PALM2AKAP2: variants seen among roughly 807,000 people sequenced by gnomAD.
PALM2AKAP2 encodes PALM2-AKAP2 fusion protein.
A neutral mutation model predicts 71.5 loss-of-function variants in PALM2AKAP2; 37 were observed. That is an observed-to-expected ratio of 0.52 (90% CI 0.40 to 0.68). PALM2AKAP2 has a LOEUF of 0.68. Among genes scored for constraint, PALM2AKAP2 ranks in the 30% least tolerant of loss-of-function variants. The pLI is 0.00. For synonymous variants in PALM2AKAP2, 468 were observed against 478.8 expected, an observed-to-expected ratio of 0.98 and a Z score of 0.29; for missense variants, 1,224 against 1,191.8, an observed-to-expected ratio of 1.03 and a Z score of -0.40.
chr9:109,753,624 A>C (rs1327791), intron 1 of PALM2AKAP2, among the ~76,000 whole-genome samples: 46,342 of 152,078 alleles, frequency 0.3, 7,215 homozygotes, highest in Middle Eastern at 0.4. Flanking sequence ...TGTGTGGAAG[A>C]ACTGTTCAGA....
intron 1 of PALM2AKAP2, among the ~76,000 whole-genome samples, chr9:109,858,507 A>T (rs1829227893): frequency 1.3e-5 from 2 of 152,192 alleles, no homozygotes; most frequent in South Asian, 4.1e-4. Flanking sequence ...AGAAACAATA[A>T]GGGACTTGTC....
intron 1 of PALM2AKAP2, among the ~76,000 whole-genome samples, chr9:110,109,799 C>T (rs746526913): frequency 4.6e-5 from 7 of 151,980 alleles, no homozygotes; most frequent in Non-Finnish European, 8.8e-5. Context: ...CCCCTTAATT[C>T]CAGGTTTAGG....
chr9:110,124,299 C>A (rs945037042), intron 1 of PALM2AKAP2, among the ~76,000 whole-genome samples: 3 of 152,172 alleles, frequency 2.0e-5, no homozygotes, highest in Admixed American at 6.5e-5. Flanking sequence ...CCAGGACAAA[C>A]TGCTCTAAAA....
At chr9:109,674,828 C>T (rs1263523203) in intron 1 of PALM2AKAP2, among the ~76,000 whole-genome samples, 1 of 151,972 alleles carries the variant, frequency 6.6e-6, no homozygotes, top group Non-Finnish European at 1.5e-5. Context: ...GATCCCGCAT[C>T]TTAAAAATCA....
In PALM2AKAP2 at chr9:109,881,986, C is replaced by T. The variant is rs561615379; in HGVS notation, c.257+1305C>T. Among the ~76,000 whole-genome samples the T allele has an allele frequency of 7.0e-4, 103 of 148,058 alleles. 2 individuals are homozygous for T. In the South Asian group the frequency reaches 0.02, roughly 29 times the overall value. On this transcript the variant is annotated intron_variant, in intron 3 of 9. Transcript: ENST00000302798. ...GCAACCTCCGCCTCCCGGGTTCAAG[C>T]GATTCTCCTGCCTCAGCCTCCCGAG...
intron 1 of PALM2AKAP2, among the ~76,000 whole-genome samples, chr9:110,102,796 A>G (rs1277045544): frequency 6.6e-6 from 1 of 152,134 alleles, no homozygotes; most frequent in African/African-American, 2.4e-5. Flanking sequence ...ACCCAAACCT[A>G]CATGATCTGG....
chr9:110,157,820 C>T (rs1302234357), intron 3 of PALM2AKAP2, among the ~76,000 whole-genome samples: 2 of 152,188 alleles, frequency 1.3e-5, no homozygotes, highest in African/African-American at 4.8e-5. Flanking sequence ...TATATCCTAG[C>T]TGGCTAAGTT....
chr9:109,887,510 T>C (rs1829993173), intron 3 of PALM2AKAP2, among the ~76,000 whole-genome samples: 1 of 152,232 alleles, frequency 6.6e-6, no homozygotes, highest in African/African-American at 2.4e-5. Flanking sequence ...GTAGTGTCTC[T>C]ATATTGTGTA....
intron 1 of PALM2AKAP2, among the ~76,000 whole-genome samples, chr9:109,784,091 C>A (rs1042720237): frequency 1.1e-4 from 16 of 152,214 alleles, no homozygotes; most frequent in South Asian, 2.1e-4. Context: ...TAGGGATACT[C>A]CCCAAACTTT....
chr9:109,867,674 C>A, intron 2 of PALM2AKAP2, 103 bp downstream of exon 2: 3 of 1,314,418 alleles, frequency 2.3e-6, no homozygotes, highest in Non-Finnish European at 2.0e-6. Context: ...TGCCGCCAAC[C>A]AAACCAGCCT....
intron 6 of PALM2AKAP2, among the ~76,000 whole-genome samples, chr9:109,998,770 A>G (rs1337150760): frequency 6.6e-6 from 1 of 150,814 alleles, no homozygotes; most frequent in African/African-American, 2.4e-5. Context: ...GTCGCAAAAA[A>G]AAAAAAAAAA....
intron 1 of PALM2AKAP2, among the ~76,000 whole-genome samples, chr9:109,726,040 A>G (rs113914020): frequency 0.012 from 1,790 of 152,288 alleles, 28 homozygotes; most frequent in African/African-American, 0.04. Flanking sequence ...ATCACCCAGG[A>G]GGACTAGTAC....
At chr9:110,150,953 T>G (rs1191198298) in intron 2 of PALM2AKAP2, among the ~76,000 whole-genome samples, 1 of 152,226 alleles carries the variant, frequency 6.6e-6, no homozygotes, top group African/African-American at 2.4e-5. Context: ...TAACTAATAC[T>G]TCATTGCCTA....
intron 1 of PALM2AKAP2, among the ~76,000 whole-genome samples, chr9:109,725,900 C>G (rs1828469787): frequency 6.6e-6 from 1 of 152,200 alleles, no homozygotes; most frequent in Non-Finnish European, 1.5e-5. Flanking sequence ...TTTTCTCTCA[C>G]AAAACTCCCT....
At chr9:109,748,421 G>A (rs931970132) in intron 1 of PALM2AKAP2, among the ~76,000 whole-genome samples, 9 of 152,150 alleles carry the variant, frequency 5.9e-5, no homozygotes, top group African/African-American at 1.7e-4. Flanking sequence ...AACATGAGGC[G>A]ATAGGAGCAG....
intron 6 of PALM2AKAP2, among the ~76,000 whole-genome samples, chr9:109,933,826 C>G (rs182134884): frequency 6.6e-6 from 1 of 152,272 alleles, no homozygotes; most frequent in Admixed American, 6.5e-5. Context: ...GTATTTGTTA[C>G]GATGAACTCC....
At chr9:109,688,403 C>A (rs781692290) in intron 1 of PALM2AKAP2, among the ~76,000 whole-genome samples, 1 of 152,202 alleles carries the variant, frequency 6.6e-6, no homozygotes, top group Non-Finnish European at 1.5e-5. Context: ...GATGATGGAG[C>A]GCCCATAGGG....
At chr9:109,942,581 G>C in intron 6 of PALM2AKAP2, 1 of 1,280,906 alleles carries the variant, frequency 7.8e-7, no homozygotes, top group Non-Finnish European at 1.1e-6. Flanking sequence ...TTGGCAGTTA[G>C]AATAGAAAGG....
intron 1 of PALM2AKAP2, among the ~76,000 whole-genome samples, chr9:109,761,637 T>C (rs1300106976): frequency 6.6e-6 from 1 of 152,238 alleles, no homozygotes; most frequent in African/African-American, 2.4e-5. Context: ...GGTTTTCTGT[T>C]CCTGTATTAG....
Sources: allele counts gnomAD v4.1 joint callset (sites outside exome capture counted in the v4.1 genomes callset), GRCh38; gene constraint gnomAD v4.1.1; transcripts MANE v1.5; gene names NCBI Gene and HGNC (gene_info 2026-07-23, HGNC 2026-07-21).